TRAK1: variants seen among roughly 807,000 people sequenced by gnomAD.
TRAK1 encodes trafficking kinesin-binding protein 1.
Under a neutral mutation model 92.1 loss-of-function variants are expected in TRAK1, and 33 were observed. The observed-to-expected ratio is 0.36, with a 90% CI of 0.27 to 0.48. The LOEUF (loss-of-function observed/expected upper bound fraction) is 0.48. TRAK1 is among the 20% of genes least tolerant of loss of function. The pLI is 0.99. For missense variants in TRAK1, 1,123 were observed against 1,257.9 expected (o/e 0.89, Z 1.62); for synonymous variants, 521 against 517.3 (o/e 1.01, Z -0.10).
intron 2 of TRAK1, among the ~76,000 whole-genome samples, chr3:42,176,597 G>A (rs1576804560): frequency 6.6e-6 from 1 of 152,260 alleles, no homozygotes. Flanking sequence ...GTTTCACAGG[G>A]GTTACGAGTC....
At chr3:42,022,034 G>C (rs1701741695) in intron 1 of TRAK1, among the ~76,000 whole-genome samples, 1 of 152,116 alleles carries the variant, frequency 6.6e-6, no homozygotes, top group African/African-American at 2.4e-5. Flanking sequence ...TCAAGGGTGG[G>C]GTGTGCCCTG....
At chr3:42,090,025 C>A (rs1390404025), upstream of TRAK1, among the ~76,000 whole-genome samples, 2 of 152,146 alleles carry the variant, frequency 1.3e-5, no homozygotes, top group Non-Finnish European at 2.9e-5. Flanking sequence ...GGAGTTGCAT[C>A]CAGGTCTGTA....
At chr3:42,174,060 G>C (rs145183162) in intron 2 of TRAK1, among the ~76,000 whole-genome samples, 91 of 152,188 alleles carry the variant, frequency 6.0e-4, no homozygotes, top group African/African-American at 2.0e-3. Context: ...GGTTATGAAT[G>C]GTGCCTGGCC....
Position 42,185,973 on chromosome 3 carries a change from CTTTTTTTTTT to C in TRAK1, c.480+1190_480+1199del, listed in dbSNP as rs1054954407. On this transcript the variant is annotated intron_variant, in intron 4 of 15. Transcript: ENST00000327628. ...ACAGGCATGAGCCACTGTGCCCAGC[CTTTTTTTTTT>C]TTTTTTTTTTTTTTTTTGAGATAAG... Among the ~76,000 whole-genome samples, 175 of 83,976 alleles carry C rather than the reference CTTTTTTTTTT, an allele frequency of 2.1e-3. 1 individual carries two copies. Among genetic ancestry groups the C allele is most frequent in the Middle Eastern group, 0.019 (2 of 106 alleles). 55.1% of individuals were successfully genotyped at this position (83,976 alleles called of 152,430 possible).
chr3:42,196,676 T>A (rs1706694399), intron 10 of TRAK1, among the ~76,000 whole-genome samples: 1 of 150,918 alleles, frequency 6.6e-6, no homozygotes, highest in Admixed American at 6.6e-5. Context: ...TAGCTGGGAC[T>A]ACAGGCATGT....
intron 1 of TRAK1, among the ~76,000 whole-genome samples, chr3:42,048,566 C>CTTT (rs373744402): frequency 5.9e-5 from 8 of 136,538 alleles, no homozygotes; most frequent in South Asian, 2.3e-4. Context: ...CAGTTCTTTT[C>CTTT]TTTTTTTTTT....
chr3:42,061,290 C>T (rs1295510986), intron 1 of TRAK1, among the ~76,000 whole-genome samples: 1 of 141,944 alleles, frequency 7.0e-6, no homozygotes, highest in East Asian at 2.1e-4. Flanking sequence ...CACCCACACA[C>T]GCACCCCCCC....
chr3:42,137,747 TTTC>T (rs1481870247), intron 2 of TRAK1, among the ~76,000 whole-genome samples: 4 of 152,140 alleles, frequency 2.6e-5, no homozygotes, highest in Non-Finnish European at 5.9e-5. Context: ...TAGTGAAGCT[TTTC>T]TTCTTCCAAG....
At chr3:42,109,215 G>C (rs968470606) in intron 1 of TRAK1, among the ~76,000 whole-genome samples, 1 of 152,138 alleles carries the variant, frequency 6.6e-6, no homozygotes, top group Non-Finnish European at 1.5e-5. Context: ...GCTTATAAGT[G>C]CTTATGGTAC....
At chr3:42,074,508 T>G (rs1169555075) in intron 1 of TRAK1, among the ~76,000 whole-genome samples, 1 of 152,148 alleles carries the variant, frequency 6.6e-6, no homozygotes. Context: ...TGGCCACAGA[T>G]GAGAGACAAG....
At chr3:42,068,730 ACTT>A (rs1302662122) in intron 1 of TRAK1, among the ~76,000 whole-genome samples, 1 of 152,192 alleles carries the variant, frequency 6.6e-6, no homozygotes, top group African/African-American at 2.4e-5. Context: ...AACCCTTACT[ACTT>A]ATGGGAAATT....
upstream of TRAK1, among the ~76,000 whole-genome samples, chr3:42,089,373 C>A (rs1328211985): frequency 1.3e-5 from 2 of 152,154 alleles, no homozygotes. Context: ...AAAATTCTTT[C>A]TCCGCTCAAC....
intron 1 of TRAK1, among the ~76,000 whole-genome samples, chr3:42,116,836 A>G (rs1576440583): frequency 6.6e-6 from 1 of 151,538 alleles, no homozygotes; most frequent in Non-Finnish European, 1.5e-5. Context: ...AAAAAGATGG[A>G]CCTCTGTATG....
At chr3:42,039,226 T>C (rs780744038) in intron 1 of TRAK1, among the ~76,000 whole-genome samples, 6 of 152,234 alleles carry the variant, frequency 3.9e-5, no homozygotes, top group African/African-American at 7.2e-5. Context: ...GCATAGTGTT[T>C]TTAAGTGTTG....
At chr3:42,017,255 T>G (rs749559465) in intron 1 of TRAK1, among the ~76,000 whole-genome samples, 9 of 152,182 alleles carry the variant, frequency 5.9e-5, no homozygotes, top group Non-Finnish European at 1.2e-4. Flanking sequence ...AGTGAGACTC[T>G]GTCTCAAAAA....
chr3:42,029,549 AT>A (rs58539922), intron 1 of TRAK1, among the ~76,000 whole-genome samples: 489 of 136,288 alleles, frequency 3.6e-3, no homozygotes, highest in East Asian at 8.1e-3. Flanking sequence ...GCCTGATAGA[AT>A]TTTTTTTTTT....
chr3:42,103,813 G>A lies in TRAK1; in HGVS notation c.91+12253G>A, dbSNP rs548488005. ...TTCTTCATTTCCAACTGAGGTACTG[G>A]GTTCATCTCACTGCGGCTTGTCAGA... On this transcript the variant is annotated intron_variant, in intron 1 of 15. Transcript: ENST00000327628. Among the ~76,000 whole-genome samples the A allele has an allele frequency of 3.3e-5, 5 of 152,262 alleles. No homozygotes were observed. In the South Asian group the frequency reaches 1.0e-3, roughly 32 times the overall value.
chr3:42,189,711 A>G (rs867465782), intron 6 of TRAK1, among the ~76,000 whole-genome samples: 6 of 152,030 alleles, frequency 3.9e-5, no homozygotes, highest in Admixed American at 1.3e-4. Flanking sequence ...TTGTATTTTT[A>G]GTAGAGACGA....
chr3:42,112,752 A>AG lies in TRAK1; in HGVS notation c.92-12668_92-12667insG, dbSNP rs1553720682. Among the ~76,000 whole-genome samples the AG allele has an allele frequency of 9.6e-4, 134 of 139,456 alleles. 16 individuals carry two copies. Among genetic ancestry groups the AG allele is most frequent in the South Asian group, 2.0e-3 (9 of 4,432 alleles). The allele number at this position is 139,456 out of a possible 152,430, so 91.5% of individuals were successfully genotyped here. A position where few individuals can be genotyped will look rare whatever the true frequency, so the allele number is the denominator to read the frequency against. ...CTCTGTCTCAAAAAAAAAAAAAAAA[A>AG]AAAACCAACTAATTTTTTGTTTGTT... On this transcript the variant is annotated intron_variant, in intron 1 of 15. Coordinates refer to ENST00000327628, the MANE Select transcript of TRAK1 (RefSeq NM_001042646.3).
Sources: allele counts gnomAD v4.1 joint callset (sites outside exome capture counted in the v4.1 genomes callset), GRCh38; gene constraint gnomAD v4.1.1; transcripts MANE v1.5; gene names NCBI Gene and HGNC (gene_info 2026-07-23, HGNC 2026-07-21).